MROH9: variants seen among roughly 807,000 people sequenced by gnomAD.
The protein encoded by MROH9 is maestro heat like repeat family member 9.
MROH9 carries 92 observed loss-of-function variants against 98.2 expected under a neutral mutation model. The observed-to-expected ratio is 0.94, with a 90% CI of 0.79 to 1.11. MROH9 has a LOEUF of 1.11. Among genes scored for constraint, MROH9 ranks in the 50% most tolerant of loss-of-function variants. The pLI, the probability that MROH9 is intolerant of heterozygous loss-of-function variation, is 0.00. For missense variants in MROH9, 1,057 were observed against 1,014.8 expected (o/e 1.04, Z -0.57); for synonymous variants, 397 against 368.9 (o/e 1.08, Z -0.87).
At chr1:171,013,065 C>T (rs192778708) in intron 15 of MROH9, among the ~76,000 whole-genome samples, 386 of 152,266 alleles carry the variant, frequency 2.5e-3, no homozygotes, top group African/African-American at 9.0e-3. Flanking sequence ...TTCCTCAGGG[C>T]CTTTGCACAT....
chr1:171,064,200 C>T lies in MROH9; in HGVS notation c.2446C>T (p.Pro816Ser). 6.4e-7 allele frequency: 1 copy of T among 1,551,506 alleles called. No individual in the cohort carries two copies. Among genetic ancestry groups the T allele is most frequent in the Non-Finnish European group, 8.7e-7 (1 of 1,146,906 alleles). The change falls in exon 22 of 22, where the codon CCT (proline) becomes TCT (serine). Residue 816 changes from proline to serine, a missense_variant. By Grantham distance (74) the Pro-to-Ser change is moderately conservative. Transcript: ENST00000367759. ...AAAAGCCCATAAACTGACCTCTGCA[C>T]CTCTTAAACAAAACTTCCAAAAATT... ...KKKAHKLTSA[P>S]LKQNFQKLLK...
chr1:171,007,829 C>G (rs984584837), intron 15 of MROH9, among the ~76,000 whole-genome samples: 1 of 152,152 alleles, frequency 6.6e-6, no homozygotes, highest in African/African-American at 2.4e-5. Context: ...GTGGCAGAAC[C>G]AACACCAAAT....
chr1:170,973,580 A>T (rs1417692532), intron 8 of MROH9, among the ~76,000 whole-genome samples: 2 of 152,080 alleles, frequency 1.3e-5, no homozygotes, highest in South Asian at 2.1e-4. Flanking sequence ...AATCCAATTT[A>T]AAAAAAATTA....
In MROH9 at chr1:171,024,763, C is replaced by T; in HGVS notation, c.2176C>T (p.Leu726Phe). The T allele has an allele frequency of 3.9e-6, 6 of 1,520,962 alleles. No individual in the cohort carries two copies. Among genetic ancestry groups the T allele is most frequent in the Non-Finnish European group, 5.4e-6 (6 of 1,120,182 alleles). The allele number at this position is 1,520,962 out of a possible 1,614,324, so 94.2% of individuals were successfully genotyped here. The change falls in exon 19 of 22, where the codon CTT becomes TTT. Residue 726 changes from leucine (L) to phenylalanine (F), a missense_variant and splice_region_variant. Transcript: ENST00000367759. ...GGTGGTGCTCAATATCTGTAACAAT[C>T]TTGTAAGTGGCCCTTCCATTTTTAC... ...EMVVLNICNN[L>F]IISHRNYITD...
chr1:171,062,183 T>C lies in MROH9; in HGVS notation c.2333T>C (p.Val778Ala), dbSNP rs1203438662. The stretch of plus-strand genomic sequence containing the variant: ...TTACTGCTTAGAGATGAAATCGAAG[T>C]CATGCTTGATGGTGAGTATTGAGGT... Reference protein sequence around the residue: ...GHLLLRDEIEVMLDVIERLLR... With the variant: ...GHLLLRDEIEAMLDVIERLLR... Residue 778 changes from valine to alanine, a missense_variant, in exon 21 of 22, where the codon GTC (valine) becomes GCC (alanine). Transcript: ENST00000367759. 8 of 1,548,580 alleles carry C rather than the reference T, an allele frequency of 5.2e-6. No homozygotes were observed. The highest frequency in any genetic ancestry group is 1.7e-4 in the Middle Eastern group (1 of 5,976).
intron 3 of MROH9, among the ~76,000 whole-genome samples, chr1:170,953,899 G>GAA (rs1282814379): frequency 2.7e-5 from 4 of 150,772 alleles, no homozygotes; most frequent in South Asian, 2.1e-4. Flanking sequence ...AAGAAAAAAA[G>GAA]AGAGAGAAAG....
At chr1:170,956,784 G>A (rs1159967489) in intron 3 of MROH9, among the ~76,000 whole-genome samples, 4 of 151,744 alleles carry the variant, frequency 2.6e-5, no homozygotes, top group Non-Finnish European at 4.4e-5. Context: ...CAAGGTAAAC[G>A]ATCACATCGT....
intron 3 of MROH9, among the ~76,000 whole-genome samples, chr1:170,952,296 C>T (rs958218312): frequency 6.6e-6 from 1 of 152,048 alleles, no homozygotes; most frequent in African/African-American, 2.4e-5. Context: ...AAGACACATG[C>T]ACACATATGT....
chr1:170,985,769 A>T (rs1297110624), intron 9 of MROH9, among the ~76,000 whole-genome samples: 7 of 144,204 alleles, frequency 4.9e-5, no homozygotes, highest in Non-Finnish European at 1.1e-4. Flanking sequence ...ATTTTCTTCC[A>T]TAGCTTTCCA....
chr1:171,014,234 A>G lies in MROH9; in HGVS notation c.1714A>G (p.Met572Val), dbSNP rs757810292. 5.8e-6 allele frequency: 9 copies of G among 1,550,940 alleles called. No individual in the cohort carries two copies. Among genetic ancestry groups the G allele is most frequent in the African/African-American group, 1.4e-5 (1 of 73,038 alleles). ...SRLILHRIVH[M>V]SPIINKTENV... ...ACTGATCCTTCATAGAATTGTCCACATGTCACCAATTATCAATAAGGTATG... is the reference window on the plus strand; with the variant it reads ...ACTGATCCTTCATAGAATTGTCCACGTGTCACCAATTATCAATAAGGTATG... Residue 572 changes from methionine (M) to valine (V), a missense_variant, in exon 16 of 22, where the codon ATG (methionine) becomes GTG (valine). By Grantham distance (21) the Met-to-Val change is conservative (BLOSUM62 1). Coordinates refer to ENST00000367759, the MANE Select transcript of MROH9 (RefSeq NM_001163629.2).
At chr1:170,956,020 A>G (rs1403856248) in intron 3 of MROH9, among the ~76,000 whole-genome samples, 1 of 152,160 alleles carries the variant, frequency 6.6e-6, no homozygotes, top group Non-Finnish European at 1.5e-5. Context: ...ATCCAGTTTC[A>G]TTCTCCTGCA....
chr1:170,965,365 G>T, intron 7 of MROH9, 110 bp downstream of exon 7: 4 of 675,724 alleles, frequency 5.9e-6, no homozygotes, highest in Non-Finnish European at 1.0e-5. Flanking sequence ...TGGTATTATT[G>T]TACTGGTAGG....
chr1:170,968,963 G>A (rs1465707434), intron 7 of MROH9, among the ~76,000 whole-genome samples: 2 of 152,010 alleles, frequency 1.3e-5, no homozygotes, highest in Admixed American at 1.3e-4. Context: ...ACTTAAATAA[G>A]TTACTGAATA....
At chr1:171,001,815 C>T (rs1651792957) in intron 15 of MROH9, among the ~76,000 whole-genome samples, 2 of 152,026 alleles carry the variant, frequency 1.3e-5, no homozygotes, top group South Asian at 2.1e-4. Flanking sequence ...GTCTTGATGA[C>T]TTGTTTAGTG....
chr1:170,954,623 G>T (rs1441577280), intron 3 of MROH9, among the ~76,000 whole-genome samples: 1 of 151,776 alleles, frequency 6.6e-6, no homozygotes, highest in Non-Finnish European at 1.5e-5. Flanking sequence ...TCATGCCAAG[G>T]GTTTACATGC....
intron 8 of MROH9, among the ~76,000 whole-genome samples, chr1:170,976,850 C>G (rs28801701): frequency 0.32 from 48,172 of 151,922 alleles, 7,757 homozygotes; most frequent in Middle Eastern, 0.46. Context: ...TTCTCTCCAT[C>G]TATTGCAGGG....
intron 3 of MROH9, among the ~76,000 whole-genome samples, chr1:170,955,591 T>C (rs1661817388): frequency 6.6e-6 from 1 of 152,218 alleles, no homozygotes; most frequent in Non-Finnish European, 1.5e-5. Context: ...CATTTTTTCA[T>C]ATGTTTGTTG....
intron 11 of MROH9, among the ~76,000 whole-genome samples, chr1:170,990,492 A>G (rs992191712): frequency 6.6e-6 from 1 of 152,214 alleles, no homozygotes; most frequent in African/African-American, 2.4e-5. Context: ...TTTATGATCC[A>G]GGATCACAAG....
chr1:171,017,278 C>T (rs111586632), intron 17 of MROH9, among the ~76,000 whole-genome samples: 2 of 152,198 alleles, frequency 1.3e-5, no homozygotes, highest in South Asian at 2.1e-4. Flanking sequence ...GACTAGGCAG[C>T]GGGCATGACC....
Sources: gnomAD v4.1 joint callset for allele counts (sites outside exome capture counted in the v4.1 genomes callset) on GRCh38, gnomAD v4.1.1 for gene constraint, MANE v1.5 for transcripts, NCBI Gene and HGNC (gene_info 2026-07-23, HGNC 2026-07-21) for gene names.